CSMD1: variants seen among roughly 807,000 people sequenced by gnomAD.
The protein encoded by CSMD1 is CUB and Sushi multiple domains 1.
Under a neutral mutation model 417.5 loss-of-function variants are expected in CSMD1, and 213 were observed. The observed-to-expected ratio is 0.51, with a 90% CI of 0.46 to 0.57. The LOEUF is 0.57. Among genes scored for constraint, CSMD1 ranks in the 20% least tolerant of loss-of-function variants. The pLI is 0.00. For missense variants in CSMD1, 6,923 were observed against 4,529.7 expected (o/e 1.53, Z -15.17); for synonymous variants, 2,862 against 1,736.8 (o/e 1.65, Z -16.11).
chr8:3,642,970 C>G (rs185808073), intron 7 of CSMD1, among the ~76,000 whole-genome samples: 22 of 151,336 alleles, frequency 1.5e-4, no homozygotes, highest in Admixed American at 2.6e-4. Context: ...TTAGGAAATT[C>G]AGGACACAGA....
intron 6 of CSMD1, among the ~76,000 whole-genome samples, chr8:3,720,227 C>T (rs533530194): frequency 6.6e-6 from 1 of 152,230 alleles, no homozygotes; most frequent in East Asian, 1.9e-4. Context: ...GGAAACATGC[C>T]ACGTCATCTT....
intron 2 of CSMD1, among the ~76,000 whole-genome samples, chr8:4,501,196 A>C (rs1802243530): frequency 6.6e-6 from 1 of 152,162 alleles, no homozygotes; most frequent in African/African-American, 2.4e-5. Flanking sequence ...GTATATATAC[A>C]CATATATATT....
intron 5 of CSMD1, among the ~76,000 whole-genome samples, chr8:3,801,086 G>C (rs923621040): frequency 4.0e-5 from 6 of 151,732 alleles, no homozygotes; most frequent in Admixed American, 2.6e-4. Context: ...GATACAAAAA[G>C]CACAAGGAAT....
At chr8:4,818,486 T>C (rs1014311667) in intron 1 of CSMD1, among the ~76,000 whole-genome samples, 2 of 152,158 alleles carry the variant, frequency 1.3e-5, no homozygotes, top group Non-Finnish European at 2.9e-5. Context: ...ACAATTTTGA[T>C]TTAGTTTAGC....
At chr8:3,096,692 G>C (rs1815328816) in intron 47 of CSMD1, among the ~76,000 whole-genome samples, 157 bp downstream of exon 47, 1 of 152,164 alleles carries the variant, frequency 6.6e-6, no homozygotes, top group Non-Finnish European at 1.5e-5. Flanking sequence ...GATCTCTTGA[G>C]AATGCATAAC....
At chr8:4,233,803 T>C (rs575555363) in intron 3 of CSMD1, among the ~76,000 whole-genome samples, 6 of 152,244 alleles carry the variant, frequency 3.9e-5, no homozygotes, top group Admixed American at 1.3e-4. Flanking sequence ...CTTTAGGATA[T>C]TTCATGAAAT....
chr8:4,762,069 G>T (rs1812146235), intron 1 of CSMD1, among the ~76,000 whole-genome samples: 1 of 151,980 alleles, frequency 6.6e-6, no homozygotes, highest in Non-Finnish European at 1.5e-5. Flanking sequence ...AGTCTCAAAT[G>T]ATGTAAGTAT....
intron 8 of CSMD1, among the ~76,000 whole-genome samples, 184 bp downstream of exon 8, chr8:3,616,526 T>C (rs992219446): frequency 6.6e-6 from 1 of 152,160 alleles, no homozygotes; most frequent in Non-Finnish European, 1.5e-5. Flanking sequence ...ACAGAACTTT[T>C]AACAGATTAT....
At chr8:3,777,972 G>C (rs556594078) in intron 5 of CSMD1, among the ~76,000 whole-genome samples, 18 of 152,170 alleles carry the variant, frequency 1.2e-4, no homozygotes, top group African/African-American at 4.1e-4. Flanking sequence ...CAGCCTCCTT[G>C]AAGTGCAGAG....
chr8:3,400,685 G>A lies in CSMD1; in HGVS notation c.2267-1156C>T, dbSNP rs1216502120. ...AAACTTGAAAAGTGGATAAAAAATT[G>A]TCCATCTGTTATAAATGTAATAAAA... is the stretch of plus-strand genomic sequence containing the variant. On this transcript the variant is annotated intron_variant, in intron 15 of 69. Coordinates refer to ENST00000635120, the MANE Select transcript of CSMD1 (RefSeq NM_033225.6). Among the ~76,000 whole-genome samples the A allele has an allele frequency of 2.0e-4, 30 of 151,918 alleles. 1 individual carries two copies. Among genetic ancestry groups the A allele is most frequent in the Non-Finnish European group, 7.4e-5 (5 of 67,880 alleles).
chr8:4,354,783 A>C (rs1386878300), intron 3 of CSMD1, among the ~76,000 whole-genome samples: 2 of 151,932 alleles, frequency 1.3e-5, no homozygotes, highest in African/African-American at 4.8e-5. Context: ...TCCCAGAAAA[A>C]TGAAAGCAAA....
chr8:3,820,774 G>C (rs1801691315), intron 5 of CSMD1, among the ~76,000 whole-genome samples: 1 of 151,978 alleles, frequency 6.6e-6, no homozygotes, highest in African/African-American at 2.4e-5. Flanking sequence ...TTTAGTGATG[G>C]GGTTTCGCCA....
chr8:4,465,750 G>A (rs1187965413), intron 2 of CSMD1, among the ~76,000 whole-genome samples: 1 of 152,078 alleles, frequency 6.6e-6, no homozygotes, highest in East Asian at 1.9e-4. Context: ...CTAGTTTGTA[G>A]GTCATCTATT....
At chr8:4,047,591 C>A (rs939107877) in intron 3 of CSMD1, among the ~76,000 whole-genome samples, 4 of 151,744 alleles carry the variant, frequency 2.6e-5, no homozygotes, top group African/African-American at 7.3e-5. Context: ...TTACTGAATG[C>A]GTATTATGTG....
intron 1 of CSMD1, among the ~76,000 whole-genome samples, chr8:4,798,693 G>T (rs1010200373): frequency 6.6e-6 from 1 of 151,926 alleles, no homozygotes. Context: ...CTAATTTTCA[G>T]AAAAATACCA....
intron 2 of CSMD1, among the ~76,000 whole-genome samples, chr8:4,530,643 G>T (rs1382584775): frequency 4.0e-5 from 6 of 151,238 alleles, no homozygotes; most frequent in African/African-American, 1.5e-4. Context: ...ATGGTTTCTA[G>T]CTTCATCCAT....
In CSMD1 at chr8:3,930,341, A is replaced by G. The variant is rs1015435329; in HGVS notation, c.818+67562T>C. 2.7e-5 allele frequency among the ~76,000 whole-genome samples: 4 copies of G among 150,710 alleles called. 1 individual carries two copies. The highest frequency in any genetic ancestry group is 4.4e-5 in the Non-Finnish European group (3 of 67,588). ...TAACACTCTTAAATATCTGCCAGCC[A>G]TAATAAAGAAATCAATGTATTTTAT... is the stretch of plus-strand genomic sequence containing the variant. On this transcript the variant is annotated intron_variant, in intron 5 of 69. Transcript: ENST00000635120.
At chr8:3,372,957 G>A (rs747910951) in intron 18 of CSMD1, among the ~76,000 whole-genome samples, 3 of 152,124 alleles carry the variant, frequency 2.0e-5, no homozygotes, top group Admixed American at 6.5e-5. Context: ...GTTTGGATTC[G>A]TAACTTTTCA....
chr8:4,415,680 G>C (rs1400949779), intron 3 of CSMD1, among the ~76,000 whole-genome samples: 1 of 152,172 alleles, frequency 6.6e-6, no homozygotes. Flanking sequence ...GTCTCTGGTA[G>C]AGGCCCCGTG....
Sources: allele counts gnomAD v4.1 joint callset (sites outside exome capture counted in the v4.1 genomes callset), GRCh38; gene constraint gnomAD v4.1.1; transcripts MANE v1.5; gene names NCBI Gene and HGNC (gene_info 2026-07-23, HGNC 2026-07-21).